Variants in PCDHGA4 observed in about 807,000 individuals in gnomAD.
The protein encoded by PCDHGA4 is protocadherin gamma subfamily A, 4.
Under a neutral mutation model 54.6 loss-of-function variants are expected in PCDHGA4, and 38 were observed. The observed-to-expected ratio is 0.70, with a 90% confidence interval of 0.54 to 0.91. The LOEUF (loss-of-function observed/expected upper bound fraction) is 0.91. Ranked by LOEUF, PCDHGA4 falls within the 40% of genes least tolerant of loss-of-function variation. The pLI, the probability that PCDHGA4 is intolerant of heterozygous loss-of-function variation, is 0.00. For missense variants in PCDHGA4, 1,298 were observed against 1,220.9 expected (o/e 1.06, Z -0.94); for synonymous variants, 511 against 512.9 (o/e 1.00, Z 0.05).
chr5:141,473,892 G>C (rs1247711441), intron 1 of PCDHGA4, among the ~76,000 whole-genome samples: 1 of 152,138 alleles, frequency 6.6e-6, no homozygotes, highest in African/African-American at 2.4e-5. Context: ...GGGTTCTGTT[G>C]GTTCATGAAG....
intron 1 of PCDHGA4, chr5:141,375,958 G>A (rs1002329693): frequency 7.4e-6 from 12 of 1,613,460 alleles, no homozygotes; most frequent in Non-Finnish European, 1.0e-5. Context: ...ACACGGGCGA[G>A]GTGCGCACGG....
intron 1 of PCDHGA4, chr5:141,387,746 C>T (rs1051013306): frequency 1.5e-6 from 2 of 1,365,936 alleles, no homozygotes; most frequent in Non-Finnish European, 9.8e-7. Flanking sequence ...ACACCGCTTC[C>T]TCCTCGGAAA....
At chr5:141,497,664 C>T (rs779506763) in intron 2 of PCDHGA4, among the ~76,000 whole-genome samples, 14 of 151,904 alleles carry the variant, frequency 9.2e-5, no homozygotes, top group Non-Finnish European at 1.8e-4. Context: ...CTCAGCCTCC[C>T]GAGTAGCTGG....
intron 2 of PCDHGA4, among the ~76,000 whole-genome samples, chr5:141,503,700 C>G (rs2099828974): frequency 6.6e-6 from 1 of 152,016 alleles, no homozygotes; most frequent in Non-Finnish European, 1.5e-5. Flanking sequence ...GAGATTCCTG[C>G]TTTCCCCTTC....
At chr5:141,419,114 A>G in intron 1 of PCDHGA4, 1 of 1,613,926 alleles carries the variant, frequency 6.2e-7, no homozygotes. Flanking sequence ...CCCAGAGTAC[A>G]ACGTCACCAT....
Position 141,421,312 on chromosome 5 carries a change from G to A in PCDHGA4, c.2514+63691G>A, listed in dbSNP as rs375071225. ...CCTGGGGACGCTGCGGGGGTTCCGGGCCAGGCAGATCCGATATTCGGTGCC... is the reference window on the plus strand; with the variant it reads ...CCTGGGGACGCTGCGGGGGTTCCGGACCAGGCAGATCCGATATTCGGTGCC... On this transcript the variant is annotated intron_variant, in intron 1 of 3. Coordinates refer to ENST00000571252, the MANE Select transcript of PCDHGA4 (RefSeq NM_018917.4). The A allele has an allele frequency of 1.9e-5, 31 of 1,613,630 alleles. No homozygotes were observed. The highest frequency in any genetic ancestry group is 1.4e-5 in the Non-Finnish European group (17 of 1,179,886).
chr5:141,417,828 A>G (rs1439385565), intron 1 of PCDHGA4: 1 of 1,521,792 alleles, frequency 6.6e-7, no homozygotes, highest in Non-Finnish European at 8.8e-7. Context: ...CCAACTGGAA[A>G]AGCGGGGACC....
rs1414210927 is a variant in PCDHGA4, at chr5:141,477,460, C to G, written c.2515-17347C>G. 1.9e-6 allele frequency: 3 copies of G among 1,614,014 alleles called. No homozygotes were observed. The highest frequency in any genetic ancestry group is 2.5e-6 in the Non-Finnish European group (3 of 1,180,028). On this transcript the variant is annotated intron_variant, in intron 1 of 3. Transcript: ENST00000571252. The surrounding 1 kb of genome is among the most constrained non-coding windows in gnomAD (Gnocchi z 4.9). ...TTACAATAGTGCGTGTTCAAGTGTC[C>G]GACATCAATGACAACCCTCCACAAT...
intron 1 of PCDHGA4, among the ~76,000 whole-genome samples, chr5:141,456,862 C>T (rs1385304686): frequency 6.6e-6 from 1 of 152,086 alleles, no homozygotes; most frequent in Non-Finnish European, 1.5e-5. Context: ...AATTGGGAGG[C>T]TGAGGCAGGA....
chr5:141,376,073 G>A (rs767716077), intron 1 of PCDHGA4: 1 of 1,613,508 alleles, frequency 6.2e-7, no homozygotes, highest in Non-Finnish European at 8.5e-7. Context: ...CACCGTGGCC[G>A]TGGCCGACAG....
intron 1 of PCDHGA4, chr5:141,371,272 A>G (rs750507837): frequency 1.9e-6 from 3 of 1,614,026 alleles, no homozygotes; most frequent in Admixed American, 1.7e-5. Context: ...CAACTGTTCA[A>G]GCTGGACAGT....
At chr5:141,501,147 G>A (rs1166199034) in intron 2 of PCDHGA4, among the ~76,000 whole-genome samples, 1 of 152,142 alleles carries the variant, frequency 6.6e-6, no homozygotes, top group Non-Finnish European at 1.5e-5. Context: ...GATTACAGGT[G>A]GGAGCCACCA....
intron 1 of PCDHGA4, among the ~76,000 whole-genome samples, chr5:141,458,988 C>G (rs996478276): frequency 6.6e-6 from 1 of 152,208 alleles, no homozygotes; most frequent in African/African-American, 2.4e-5. Flanking sequence ...CTGCCTCACC[C>G]TCCCAAAGTG....
chr5:141,371,887 C>G (rs372336757), intron 1 of PCDHGA4: 41 of 1,613,306 alleles, frequency 2.5e-5, no homozygotes, highest in Non-Finnish European at 3.4e-5. Context: ...GACCTGGAGC[C>G]GCGGGAGCTG....
Position 141,355,055 on chromosome 5 carries a change from C to A in PCDHGA4, c.-53C>A, listed in dbSNP as rs916093092. ...AGATTTCTGCAGCACAAAGCACTGG[C>A]TCTGGAGCTTTATGAAAGCTTCAAG... On this transcript the variant is annotated 5_prime_UTR_variant, in exon 1 of 4. Transcript: ENST00000571252. 2.3e-5 allele frequency: 28 copies of A among 1,224,238 alleles called. No homozygotes were observed. Among genetic ancestry groups the A allele is most frequent in the Non-Finnish European group, 2.8e-5 (25 of 898,692 alleles). 75.8% of individuals were successfully genotyped at this position (1,224,238 alleles called of 1,614,324 possible). A position where few individuals can be genotyped will look rare whatever the true frequency, so the allele number is the denominator to read the frequency against.
chr5:141,498,197 A>C (rs1191884415), intron 2 of PCDHGA4, among the ~76,000 whole-genome samples: 1 of 152,246 alleles, frequency 6.6e-6, no homozygotes. Flanking sequence ...AACCAGCTAA[A>C]GAAAAGAAGG....
intron 1 of PCDHGA4, among the ~76,000 whole-genome samples, chr5:141,364,030 G>A (rs1227147450): frequency 6.6e-6 from 1 of 152,184 alleles, no homozygotes; most frequent in East Asian, 1.9e-4. Flanking sequence ...AAACATTAAG[G>A]ATATGGCAAC....
chr5:141,376,095 T>A, intron 1 of PCDHGA4: 10 of 1,613,628 alleles, frequency 6.2e-6, no homozygotes, highest in Non-Finnish European at 8.5e-6. Flanking sequence ...ATCCCCGACA[T>A]CCTGGCCGAC....
At chr5:141,423,387 G>T (rs373190092) in intron 1 of PCDHGA4, 1 of 1,614,162 alleles carries the variant, frequency 6.2e-7, no homozygotes, top group Non-Finnish European at 8.5e-7. Context: ...TGTGGCGCTG[G>T]CATAAGTCAC....
Sources: allele counts gnomAD v4.1 joint callset (sites outside exome capture counted in the v4.1 genomes callset), GRCh38; gene constraint gnomAD v4.1.1; non-coding constraint Gnocchi (gnomAD v3.1); transcripts MANE v1.5; gene names NCBI Gene and HGNC (gene_info 2026-07-23, HGNC 2026-07-21).